The following MBOAT1 variants were observed in gnomAD, a reference collection of about 807,000 sequenced individuals.
MBOAT1 encodes the protein membrane bound glycerophospholipid O-acyltransferase 1, also known as membrane-bound glycerophospholipid O-acyltransferase 1.
Under a neutral mutation model 64.4 loss-of-function variants are expected in MBOAT1, and 67 were observed. The ratio of observed to expected loss-of-function variants is 1.04; its 90% CI spans 0.85 to 1.27. The LOEUF (loss-of-function observed/expected upper bound fraction) is 1.27, where lower values mean the gene tolerates loss of function less well. Ranked by LOEUF, MBOAT1 falls within the 50% of genes most tolerant of loss-of-function variation. MBOAT1 has a pLI of 0.00. For synonymous variants in MBOAT1, 229 were observed against 218.9 expected, an observed-to-expected ratio of 1.05 and a Z score of -0.41; for missense variants, 563 against 604.6, an observed-to-expected ratio of 0.93 and a Z score of 0.72.
rs147717580 is a variant in MBOAT1 at position 20,131,148 on chromosome 6, A to G, written c.471T>C (p.His157=). 32 of 1,613,624 alleles carry G rather than the reference A, an allele frequency of 2.0e-5. No homozygotes were observed. In the South Asian group the frequency reaches 3.2e-4, roughly 16 times the overall value. The stretch of plus-strand genomic sequence containing the variant: ...AAGGAGGGCTGCTGTTCTTACCATC[A>G]TGAACCTGGAATGCCAAGGTTGTGA... ...QKITTLAFQV[H]DGLGRRAEDL... is the part of the protein sequence containing the mutation. The change falls in exon 5 of 13, where the codon CAT becomes CAC. Residue 157 remains histidine, a synonymous_variant. Transcript: ENST00000324607.
chr6:20,118,459 T>C lies in MBOAT1; in HGVS notation c.989A>G (p.Asn330Ser), dbSNP rs745846124. The C allele has an allele frequency of 6.2e-7, 1 of 1,613,946 alleles. No individual in the cohort carries two copies. The highest frequency in any genetic ancestry group is 8.5e-7 in the Non-Finnish European group (1 of 1,179,954). The stretch of plus-strand genomic sequence containing the variant: ...CACCTCAATTTTCCAGATGTTTAGG[T>C]TCGAAAGCAGATCCCAACAGAAATT... ...NGNFCWDLLSNLNIWKIETAT... is the reference protein window; with the variant it reads ...NGNFCWDLLSSLNIWKIETAT... Residue 330 changes from asparagine to serine, a missense_variant, in exon 9 of 13, where the codon AAC (asparagine) becomes AGC (serine). By Grantham distance (46) the Asn-to-Ser change is conservative. Coordinates refer to ENST00000324607, the MANE Select transcript of MBOAT1 (RefSeq NM_001080480.3).
intron 1 of MBOAT1, among the ~76,000 whole-genome samples, chr6:20,187,394 G>A (rs1211502823): frequency 6.6e-6 from 1 of 152,216 alleles, no homozygotes; most frequent in Non-Finnish European, 1.5e-5. Context: ...TCCTGCACAA[G>A]CATCGAAATG....
chr6:20,192,995 CTTTTTTTTTTTTTTTTTTTT>C (rs1174816793), intron 1 of MBOAT1, among the ~76,000 whole-genome samples: 3 of 55,048 alleles, frequency 5.4e-5, no homozygotes, highest in African/African-American at 1.9e-4. Flanking sequence ...GCTATAATTT[CTTTTTTTTTTTTTTTTTTTT>C]TTTTTTTTGA....
chr6:20,194,093 A>AAT (rs1762887101), intron 1 of MBOAT1, among the ~76,000 whole-genome samples: 1 of 150,308 alleles, frequency 6.7e-6, no homozygotes, highest in African/African-American at 2.5e-5. Flanking sequence ...TATAAGCTCA[A>AAT]TGTTTACATA....
At chr6:20,155,339 G>GA (rs1254193369) in intron 1 of MBOAT1, among the ~76,000 whole-genome samples, 1 of 152,214 alleles carries the variant, frequency 6.6e-6, no homozygotes, top group East Asian at 1.9e-4. Flanking sequence ...CACAGGGATA[G>GA]AAGAGAAACA....
intron 4 of MBOAT1, among the ~76,000 whole-genome samples, chr6:20,134,769 T>A (rs931830710): frequency 7.9e-5 from 12 of 152,308 alleles, no homozygotes; most frequent in African/African-American, 2.9e-4. Flanking sequence ...TCGCCCAAGT[T>A]ACTAAGACTT....
At chr6:20,104,720 C>T (rs771896077) in intron 12 of MBOAT1, among the ~76,000 whole-genome samples, 1 of 152,220 alleles carries the variant, frequency 6.6e-6, no homozygotes, top group African/African-American at 2.4e-5. Context: ...AGGTCAGGCA[C>T]ATTAGAATCA....
At chr6:20,133,834 G>A (rs1350593974) in intron 4 of MBOAT1, among the ~76,000 whole-genome samples, 1 of 152,174 alleles carries the variant, frequency 6.6e-6, no homozygotes, top group Admixed American at 6.5e-5. Context: ...TGTGGCCGTA[G>A]AATGTACCTC....
At chr6:20,173,339 T>C (rs1187059285) in intron 1 of MBOAT1, among the ~76,000 whole-genome samples, 1 of 152,042 alleles carries the variant, frequency 6.6e-6, no homozygotes, top group African/African-American at 2.4e-5. Context: ...GAAACTGGTG[T>C]CTTCTAGATG....
At chr6:20,198,370 G>A (rs906932599) in intron 1 of MBOAT1, among the ~76,000 whole-genome samples, 1 of 152,156 alleles carries the variant, frequency 6.6e-6, no homozygotes, top group Non-Finnish European at 1.5e-5. Context: ...GGTACTTTCC[G>A]TTGAGGTAAA....
intron 1 of MBOAT1, among the ~76,000 whole-genome samples, chr6:20,164,964 T>C (rs1406835308): frequency 6.6e-6 from 1 of 152,212 alleles, no homozygotes; most frequent in Non-Finnish European, 1.5e-5. Context: ...GATTATTGCC[T>C]ACCTGTAGTG....
At position 20,212,136 on chromosome 6, in the gene MBOAT1, CT is replaced by C. The variant is rs1763449331; in HGVS notation, c.98del (p.Gln33ArgfsTer2). On this transcript the variant is annotated frameshift_variant and splice_region_variant, in exon 1 of 13. Transcript: ENST00000324607. LOFTEE classifies it high-confidence loss of function. ...LSELLGIPLDQVNFVVCQLVA... is the reference protein window; with the variant it reads ...LSELLGIPLDXVNFVVCQLVA... ...CGCTGCGCTCCCGGCCTGCAGTTACCTGGTCCAGCGGGATGCCCAGGAGCTC... is the reference window on the plus strand; with the variant it reads ...CGCTGCGCTCCCGGCCTGCAGTTACCGGTCCAGCGGGATGCCCAGGAGCTC... 6.2e-7 allele frequency: 1 copy of C among 1,613,262 alleles called. No individual in the cohort carries two copies. Among genetic ancestry groups the C allele is most frequent in the African/African-American group, 1.3e-5 (1 of 74,892 alleles).
chr6:20,159,183 C>A (rs980688107), intron 1 of MBOAT1, among the ~76,000 whole-genome samples: 2 of 152,060 alleles, frequency 1.3e-5, no homozygotes, highest in African/African-American at 4.8e-5. Flanking sequence ...AGTACTGGTC[C>A]ATGGCCTGTT....
At chr6:20,173,211 C>T (rs1357892019) in intron 1 of MBOAT1, among the ~76,000 whole-genome samples, 1 of 152,192 alleles carries the variant, frequency 6.6e-6, no homozygotes, top group South Asian at 2.1e-4. Context: ...AAATTACCCA[C>T]TCTCAGGTAT....
intron 1 of MBOAT1, among the ~76,000 whole-genome samples, chr6:20,155,572 T>C (rs1009714860): frequency 6.6e-6 from 1 of 152,238 alleles, no homozygotes; most frequent in African/African-American, 2.4e-5. Flanking sequence ...TGATTCTATA[T>C]CTAACCTGTG....
chr6:20,204,695 G>A (rs1763212032), intron 1 of MBOAT1, among the ~76,000 whole-genome samples: 1 of 152,124 alleles, frequency 6.6e-6, no homozygotes, highest in Non-Finnish European at 1.5e-5. Flanking sequence ...AGAGGCTGGA[G>A]GGTATGAAAG....
In MBOAT1 at chr6:20,102,356, ATTGGCAGAAATAGTAT is replaced by A; in HGVS notation, c.1402_1417del (p.Ile468Ter). ...CCTTTGCGTATGAGCTTGTGGTTTC[ATTGGCAGAAATAGTAT>A]TATCAGGAGACTTATGATGTGCAAA... On this transcript the variant is annotated frameshift_variant, in exon 13 of 13. Coordinates refer to ENST00000324607, the MANE Select transcript of MBOAT1 (RefSeq NM_001080480.3). LOFTEE classifies it high-confidence loss of function. 1 of 1,613,592 alleles carries A rather than the reference ATTGGCAGAAATAGTAT, an allele frequency of 6.2e-7. No individual in the cohort carries two copies. The highest frequency in any genetic ancestry group is 8.5e-7 in the Non-Finnish European group (1 of 1,179,520).
intron 8 of MBOAT1, among the ~76,000 whole-genome samples, chr6:20,123,150 T>TA (rs35032165): frequency 1.7e-4 from 26 of 151,370 alleles, no homozygotes; most frequent in African/African-American, 5.3e-4. Context: ...TAATTTTTTT[T>TA]AAAAAAAAAG....
intron 1 of MBOAT1, among the ~76,000 whole-genome samples, chr6:20,182,727 G>C (rs921460268): frequency 6.6e-6 from 1 of 152,156 alleles, no homozygotes; most frequent in Non-Finnish European, 1.5e-5. Context: ...ACCACGGCAG[G>C]GGTAAATCAG....
Sources: allele counts gnomAD v4.1 joint callset (sites outside exome capture counted in the v4.1 genomes callset), GRCh38; gene constraint gnomAD v4.1.1; transcripts MANE v1.5; gene names NCBI Gene and HGNC (gene_info 2026-07-23, HGNC 2026-07-21).